Variants in ARHGAP24 observed in about 807,000 individuals in gnomAD.
ARHGAP24 encodes Rho GTPase activating protein 24.
A neutral mutation model predicts 76.4 loss-of-function variants in ARHGAP24; 50 were observed. That is an observed-to-expected ratio of 0.65 (90% CI 0.52 to 0.83). The LOEUF (loss-of-function observed/expected upper bound fraction) is 0.83. ARHGAP24 is among the 40% of genes least tolerant of loss of function. The pLI is 0.00. For missense variants in ARHGAP24, 930 were observed against 914.2 expected, an observed-to-expected ratio of 1.02 and a Z score of -0.22; for synonymous variants, 345 against 323.3, an observed-to-expected ratio of 1.07 and a Z score of -0.72.
intron 3 of ARHGAP24, among the ~76,000 whole-genome samples, chr4:85,852,497 G>A (rs777784143): frequency 2.6e-5 from 4 of 152,296 alleles, no homozygotes; most frequent in East Asian, 3.9e-4. Context: ...TGTTGCTGGC[G>A]AGGAGCTGTG....
At chr4:85,617,668 A>G (rs1008368736) in intron 2 of ARHGAP24, among the ~76,000 whole-genome samples, 2 of 152,210 alleles carry the variant, frequency 1.3e-5, no homozygotes, top group African/African-American at 4.8e-5. Flanking sequence ...CTGTGCTACT[A>G]CAAATGATAT....
intron 3 of ARHGAP24, among the ~76,000 whole-genome samples, chr4:85,852,542 G>T (rs1179689791): frequency 6.6e-6 from 1 of 152,198 alleles, no homozygotes; most frequent in Non-Finnish European, 1.5e-5. Context: ...CTGGTTTTTA[G>T]AATTTTCAGC....
intron 1 of ARHGAP24, among the ~76,000 whole-genome samples, chr4:85,549,929 C>T (rs1726062992): frequency 6.6e-6 from 1 of 152,184 alleles, no homozygotes; most frequent in South Asian, 2.1e-4. Context: ...TTGCAAAGGG[C>T]ATGATCTCCT....
At chr4:85,714,610 G>A (rs6531856) in intron 2 of ARHGAP24, among the ~76,000 whole-genome samples, 146,129 of 152,234 alleles carry the variant, frequency 0.96, 70,423 homozygotes, top group East Asian at 1. Flanking sequence ...AGCTGAGAAT[G>A]TAGTACATTC....
intron 2 of ARHGAP24, among the ~76,000 whole-genome samples, chr4:85,627,462 G>A (rs1008210534): frequency 2.0e-5 from 3 of 152,152 alleles, no homozygotes; most frequent in African/African-American, 7.2e-5. Flanking sequence ...ACCCGGCCGT[G>A]TGAGGTGTCA....
At chr4:85,858,253 C>A (rs1473012) in intron 3 of ARHGAP24, among the ~76,000 whole-genome samples, 72,390 of 152,010 alleles carry the variant, frequency 0.48, 18,740 homozygotes, top group East Asian at 0.86. Flanking sequence ...AACAAAGCAA[C>A]AGGGAACATA....
intron 8 of ARHGAP24, among the ~76,000 whole-genome samples, chr4:85,994,279 T>C (rs149709265): frequency 5.4e-4 from 83 of 152,298 alleles, no homozygotes; most frequent in African/African-American, 1.9e-3. Flanking sequence ...GTCTGGTCCT[T>C]AACGTGTAAC....
intron 5 of ARHGAP24, among the ~76,000 whole-genome samples, chr4:85,969,897 G>T (rs575288794): frequency 2.5e-4 from 38 of 152,226 alleles, no homozygotes; most frequent in Non-Finnish European, 4.9e-4. Context: ...TCTTTACAAG[G>T]TTTTAAGATG....
chr4:85,851,239 A>G (rs1267003211), intron 3 of ARHGAP24, among the ~76,000 whole-genome samples: 5 of 152,158 alleles, frequency 3.3e-5, no homozygotes, highest in South Asian at 4.1e-4. Flanking sequence ...TTTTTGGTTT[A>G]AAATCTGTTT....
intron 3 of ARHGAP24, among the ~76,000 whole-genome samples, chr4:85,786,835 T>A (rs1727866996): frequency 6.6e-6 from 1 of 152,234 alleles, no homozygotes; most frequent in Admixed American, 6.5e-5. Flanking sequence ...CACATGCAGG[T>A]GGTTTTTCAG....
intron 2 of ARHGAP24, among the ~76,000 whole-genome samples, chr4:85,636,454 G>A (rs561612795): frequency 1.3e-5 from 2 of 151,856 alleles, no homozygotes; most frequent in Admixed American, 6.6e-5. Flanking sequence ...GTATCTTCTT[G>A]CTTTCCAGAC....
chr4:85,655,150 C>T (rs371370935), intron 2 of ARHGAP24, among the ~76,000 whole-genome samples: 32 of 152,176 alleles, frequency 2.1e-4, no homozygotes, highest in African/African-American at 7.2e-4. Flanking sequence ...TTTTTTGCTA[C>T]AGCACAGTAT....
chr4:85,530,967 T>C (rs1327033260), intron 1 of ARHGAP24, among the ~76,000 whole-genome samples: 2 of 152,090 alleles, frequency 1.3e-5, no homozygotes, highest in East Asian at 1.9e-4. Flanking sequence ...ATTGCCCTTA[T>C]GCAGTTTGAT....
rs1458434819 is a variant in ARHGAP24 at position 85,485,411 on chromosome 4, A to C, written c.-21+9852A>C. ...TATATATATATATATATATATATAT[A>C]TATCTCCTTGGATTTTTAAAATGTA... On this transcript the variant is annotated intron_variant, in intron 1 of 9. Coordinates refer to ENST00000395184, the MANE Select transcript of ARHGAP24 (RefSeq NM_001025616.3). Among the ~76,000 whole-genome samples, 3 of 97,822 alleles carry C rather than the reference A, an allele frequency of 3.1e-5. 1 individual carries two copies. The highest frequency in any genetic ancestry group is 1.2e-4 in the Admixed American group (1 of 8,060). The allele number at this position is 97,822 out of a possible 152,430, so 64.2% of individuals were successfully genotyped here.
intron 2 of ARHGAP24, among the ~76,000 whole-genome samples, chr4:85,715,471 A>T (rs561881265): frequency 1.1e-4 from 16 of 152,194 alleles, no homozygotes; most frequent in African/African-American, 3.8e-4. Flanking sequence ...ATTAGCTAAC[A>T]ATGATGCCAT....
chr4:85,835,389 G>C (rs1168988287), intron 3 of ARHGAP24, among the ~76,000 whole-genome samples: 2 of 151,598 alleles, frequency 1.3e-5, no homozygotes, highest in Non-Finnish European at 2.9e-5. Context: ...GAAACCCCGC[G>C]TCTCTACTAA....
intron 2 of ARHGAP24, among the ~76,000 whole-genome samples, chr4:85,625,476 AG>A (rs1720909778): frequency 1.2e-3 from 1 of 866 alleles, no homozygotes; most frequent in African/African-American, 8.6e-3. Context: ...TTTGCTGAGG[AG>A]AGTTTTACTT....
At chr4:85,971,502 G>A (rs1017832371) in intron 5 of ARHGAP24, among the ~76,000 whole-genome samples, 1 of 151,920 alleles carries the variant, frequency 6.6e-6, no homozygotes, top group African/African-American at 2.4e-5. Context: ...TACATAGTCG[G>A]TGTATATATT....
chr4:85,567,362 C>T (rs1398355016), intron 1 of ARHGAP24, among the ~76,000 whole-genome samples: 8 of 152,064 alleles, frequency 5.3e-5, no homozygotes, highest in Non-Finnish European at 1.2e-4. Context: ...AGAGATGAAG[C>T]CAAAAGGATG....
Sources: gnomAD v4.1 joint callset for allele counts (sites outside exome capture counted in the v4.1 genomes callset) on GRCh38, gnomAD v4.1.1 for gene constraint, MANE v1.5 for transcripts, NCBI Gene and HGNC (gene_info 2026-07-23, HGNC 2026-07-21) for gene names.